Variants in RAB10 observed in about 807,000 individuals in gnomAD.
The protein encoded by RAB10 is ras-related protein Rab-10.
A neutral mutation model predicts 25.7 loss-of-function variants in RAB10; 5 were observed. The ratio of observed to expected loss-of-function variants is 0.19; its 90% confidence interval spans 0.10 to 0.41. The LOEUF is 0.41. Ranked by LOEUF, RAB10 falls within the 10% of genes least tolerant of loss-of-function variation. The probability of loss-of-function intolerance (pLI) is 1.00; values close to 1 mark genes in which losing one functional copy is unlikely to be tolerated. For missense variants in RAB10, 103 were observed against 245.8 expected, an observed-to-expected ratio of 0.42 and a Z score of 3.89; for synonymous variants, 89 against 86.4, an observed-to-expected ratio of 1.03 and a Z score of -0.16.
chr2:26,056,523 ACACT>A (rs1479338078), intron 1 of RAB10, among the ~76,000 whole-genome samples: 2 of 152,204 alleles, frequency 1.3e-5, no homozygotes, highest in Admixed American at 6.5e-5. Context: ...AGAATTTTAA[ACACT>A]CAGTTTAGTA....
chr2:26,118,746 A>G (rs1283761704), intron 3 of RAB10, among the ~76,000 whole-genome samples: 1 of 152,160 alleles, frequency 6.6e-6, no homozygotes, highest in Admixed American at 6.6e-5. Context: ...GTATGGCCGA[A>G]GTTGAGAAAC....
chr2:26,096,866 T>A (rs569494191), intron 1 of RAB10, among the ~76,000 whole-genome samples: 1 of 152,348 alleles, frequency 6.6e-6, no homozygotes, highest in African/African-American at 2.4e-5. Flanking sequence ...TTCCAAATAT[T>A]TGGGAGTTTT....
chr2:26,127,151 A>G lies in RAB10; in HGVS notation c.335A>G (p.Asn112Ser). Residue 112 changes from asparagine to serine, a missense_variant, in exon 4 of 6, where the codon AAT becomes AGT. By Grantham distance (46) the Asn-to-Ser change is conservative (BLOSUM62 1). Coordinates refer to ENST00000264710, the MANE Select transcript of RAB10 (RefSeq NM_016131.5). Reference protein sequence around the residue: ...KWLRNIDEHANEDVERMLLGN... With the variant: ...KWLRNIDEHASEDVERMLLGN... ...AATTTTATTTCATTTTAGCATGCCA[A>G]TGAAGATGTGGAAAGAATGTTACTA... is the stretch of plus-strand genomic sequence containing the variant. The G allele has an allele frequency of 2.5e-6, 4 of 1,597,376 alleles. No homozygotes were observed. Among genetic ancestry groups the G allele is most frequent in the Non-Finnish European group, 3.4e-6 (4 of 1,175,056 alleles).
chr2:26,051,121 A>T (rs1369107388), intron 1 of RAB10, among the ~76,000 whole-genome samples: 1 of 151,792 alleles, frequency 6.6e-6, no homozygotes, highest in African/African-American at 2.4e-5. Context: ...AATTTTTTGT[A>T]GAGACTGGGC....
chr2:26,064,057 G>A (rs1002518825), intron 1 of RAB10, among the ~76,000 whole-genome samples: 3 of 152,034 alleles, frequency 2.0e-5, no homozygotes, highest in African/African-American at 7.2e-5. Flanking sequence ...CCGCCTTGGT[G>A]GTAATGTCTT....
At chr2:26,095,001 G>A (rs1055755866) in intron 1 of RAB10, among the ~76,000 whole-genome samples, 1 of 152,224 alleles carries the variant, frequency 6.6e-6, no homozygotes, top group African/African-American at 2.4e-5. Context: ...ATTAAATAGA[G>A]TTTTATTTGT....
intron 1 of RAB10, among the ~76,000 whole-genome samples, chr2:26,075,601 G>A (rs576313555): frequency 3.9e-5 from 6 of 152,162 alleles, no homozygotes; most frequent in Non-Finnish European, 5.9e-5. Flanking sequence ...GGAGAAGGAC[G>A]GAGGTAAACA....
chr2:26,094,580 A>G (rs1383998981), intron 1 of RAB10, among the ~76,000 whole-genome samples: 1 of 143,044 alleles, frequency 7.0e-6, no homozygotes, highest in East Asian at 2.1e-4. Context: ...TTTTTTTGAG[A>G]CATAGCTTTG....
chr2:26,095,369 A>G (rs966238060), intron 1 of RAB10, among the ~76,000 whole-genome samples: 3 of 152,122 alleles, frequency 2.0e-5, no homozygotes, highest in Admixed American at 1.3e-4. Context: ...GCACTTTAGG[A>G]GGCCAAGGTG....
chr2:26,095,649 G>A (rs1466579678), intron 1 of RAB10, among the ~76,000 whole-genome samples: 3 of 151,194 alleles, frequency 2.0e-5, no homozygotes, highest in African/African-American at 7.3e-5. Flanking sequence ...AGTGGCTCAC[G>A]CCCGTAATCC....
At chr2:26,055,397 T>C (rs1176805680) in intron 1 of RAB10, among the ~76,000 whole-genome samples, 11 of 151,810 alleles carry the variant, frequency 7.2e-5, no homozygotes, top group Non-Finnish European at 1.2e-4. Context: ...GCTAATTTTT[T>C]TTTTTTTTTT....
chr2:26,085,560 T>C (rs1172027803), intron 1 of RAB10, among the ~76,000 whole-genome samples: 4 of 151,680 alleles, frequency 2.6e-5, no homozygotes, highest in Non-Finnish European at 5.9e-5. Context: ...CTTCCAAGTG[T>C]ATTTTCCTTC....
intron 2 of RAB10, among the ~76,000 whole-genome samples, chr2:26,105,408 T>C (rs543458908): frequency 1.3e-5 from 2 of 152,258 alleles, no homozygotes; most frequent in South Asian, 2.1e-4. Context: ...CTCAGCACTT[T>C]GGGAGGCCGA....
intron 1 of RAB10, among the ~76,000 whole-genome samples, chr2:26,049,163 T>TG (rs1666078561): frequency 6.7e-6 from 1 of 150,304 alleles, no homozygotes; most frequent in African/African-American, 2.5e-5. Flanking sequence ...TTGTATATGG[T>TG]GGGGGGTTTA....
At chr2:26,042,614 C>G (rs534610661) in intron 1 of RAB10, 117 of 152,146 alleles carry the variant, frequency 7.7e-4, no homozygotes, top group African/African-American at 2.7e-3. Flanking sequence ...CCATCTCACT[C>G]CAGCCTGGAT....
Position 26,120,973 on chromosome 2 carries a change from A to G in RAB10, c.328-6171A>G, listed in dbSNP as rs570717170. On this transcript the variant is annotated intron_variant, in intron 3 of 5. Coordinates refer to ENST00000264710, the MANE Select transcript of RAB10 (RefSeq NM_016131.5). ...GTCACCCAGGCTGGAGTGCAGTGGT[A>G]TCATCTCAGCTCACTGCAACCTCCA... Among the ~76,000 whole-genome samples the G allele has an allele frequency of 2.1e-3, 323 of 151,808 alleles. 2 individuals carry two copies. The highest frequency in any genetic ancestry group is 3.1e-3 in the Non-Finnish European group (209 of 67,926).
chr2:26,121,156 C>T (rs1667796366), intron 3 of RAB10, among the ~76,000 whole-genome samples: 1 of 152,100 alleles, frequency 6.6e-6, no homozygotes. Context: ...ATGTGATCCA[C>T]CCACCTCAGC....
In RAB10 at chr2:26,110,072, C is replaced by T. The variant is rs140151182; in HGVS notation, c.327+166C>T. Among the ~76,000 whole-genome samples the T allele has an allele frequency of 1.0e-3, 152 of 152,242 alleles. 1 individual carries two copies. Among genetic ancestry groups the T allele is most frequent in the African/African-American group, 3.5e-3 (146 of 41,546 alleles). On this transcript the variant is annotated intron_variant, in intron 3 of 5. Transcript: ENST00000264710. ...TTAATGTTGGCCGGGCATGGTGGCT[C>T]ATGCCTGTAATCCCAGCACTTTGGG... is the stretch of plus-strand genomic sequence containing the variant.
chr2:26,126,304 T>A (rs779536431), intron 3 of RAB10, among the ~76,000 whole-genome samples: 2 of 152,160 alleles, frequency 1.3e-5, no homozygotes, highest in African/African-American at 4.8e-5. Flanking sequence ...TTGGCTGGGC[T>A]CAGTGGCTCA....
Sources: allele counts gnomAD v4.1 joint callset (sites outside exome capture counted in the v4.1 genomes callset), GRCh38; gene constraint gnomAD v4.1.1; transcripts MANE v1.5; gene names NCBI Gene and HGNC (gene_info 2026-07-23, HGNC 2026-07-21).